The following LIMA1 variants were observed in gnomAD, a reference collection of about 807,000 sequenced individuals.
LIMA1 encodes the protein LIM domain and actin-binding protein 1.
LIMA1 carries 52 observed loss-of-function variants against 62.6 expected under a neutral mutation model. That is an observed-to-expected ratio of 0.83 (90% CI 0.67 to 1.05). LIMA1 has a LOEUF of 1.05. LIMA1 is among the 50% of genes least tolerant of loss of function. LIMA1 has a pLI of 0.00. For missense variants in LIMA1, 780 were observed against 902.2 expected (o/e 0.86, Z 1.74); for synonymous variants, 302 against 317.8 (o/e 0.95, Z 0.53).
At chr12:50,205,939 G>T in intron 5 of LIMA1, 45 bp downstream of exon 5, 1 of 1,418,264 alleles carries the variant, frequency 7.1e-7, no homozygotes, top group South Asian at 1.2e-5. Context: ...TACTACTAGT[G>T]AGTACTTCCT....
chr12:50,280,540 G>A (rs774567097), intron 1 of LIMA1, among the ~76,000 whole-genome samples: 7 of 152,196 alleles, frequency 4.6e-5, no homozygotes, highest in Non-Finnish European at 1.0e-4. Context: ...CTTCTTATGA[G>A]TGGACACAGG....
intron 10 of LIMA1, among the ~76,000 whole-genome samples, chr12:50,181,133 A>AT (rs397733411): frequency 3.3e-5 from 5 of 149,908 alleles, no homozygotes; most frequent in African/African-American, 9.8e-5. Context: ...AAAAAAAAAA[A>AT]GGTGCTTTGG....
At chr12:50,251,448 C>T (rs1941929067) in intron 1 of LIMA1, among the ~76,000 whole-genome samples, 1 of 151,838 alleles carries the variant, frequency 6.6e-6, no homozygotes, top group Admixed American at 6.6e-5. Context: ...TGGTGAAACC[C>T]AGACTCTACT....
chr12:50,261,040 A>ATTTTTTTT (rs1394809506), intron 1 of LIMA1, among the ~76,000 whole-genome samples: 10 of 48,908 alleles, frequency 2.0e-4, no homozygotes, highest in East Asian at 1.5e-3. Context: ...GCCATCTAGT[A>ATTTTTTTT]TATTTTTTTT....
rs1411915498 is a variant in LIMA1, at chr12:50,201,978, A to G, written c.865-1094T>C. 2.0e-5 allele frequency: 3 copies of G among 152,242 alleles called. No individual in the cohort carries two copies. In the East Asian group the frequency reaches 5.8e-4, roughly 29 times the overall value. The allele number at this position is 152,242 out of a possible 1,614,324, so 9.4% of individuals were successfully genotyped here. A position where few individuals can be genotyped will look rare whatever the true frequency, so the allele number is the denominator to read the frequency against. On this transcript the variant is annotated intron_variant, in intron 6 of 10. Coordinates refer to ENST00000341247, the MANE Select transcript of LIMA1 (RefSeq NM_016357.5). ...ATTTCCCACCATTAGTCTGCTAATA[A>G]TGTAGTAATCTAGTACTTTTCTGTT... is the stretch of plus-strand genomic sequence containing the variant.
intron 1 of LIMA1, among the ~76,000 whole-genome samples, chr12:50,252,303 G>A (rs1941940461): frequency 6.6e-6 from 1 of 152,194 alleles, no homozygotes; most frequent in Non-Finnish European, 1.5e-5. Flanking sequence ...GACTTGGCCA[G>A]GTGTGGTGGC....
At chr12:50,204,819 A>C in intron 5 of LIMA1, 119 bp from the exon 6 acceptor site, 41 of 917,950 alleles carry the variant, frequency 4.5e-5, no homozygotes, top group Non-Finnish European at 6.3e-5. Context: ...TCCTGAGCTC[A>C]AGATATCCTC....
chr12:50,258,639 C>CTTTTTTTTTTTTT (rs34324226), intron 1 of LIMA1, among the ~76,000 whole-genome samples: 1 of 67,384 alleles, frequency 1.5e-5, no homozygotes, highest in Non-Finnish European at 2.6e-5. Context: ...TCTACCTATA[C>CTTTTTTTTTTTTT]TTTTTTTTTT....
intron 6 of LIMA1, chr12:50,201,939 C>T (rs1253625496): frequency 6.6e-6 from 1 of 151,944 alleles, no homozygotes; most frequent in Non-Finnish European, 1.5e-5. Context: ...ACATAGAGGT[C>T]GATGACTATA....
intron 8 of LIMA1, 188 bp downstream of exon 8, chr12:50,195,642 A>C: frequency 2.3e-6 from 1 of 434,916 alleles, no homozygotes; most frequent in Non-Finnish European, 4.0e-6. Context: ...AGTTAACTAT[A>C]TTCAATTGAA....
At chr12:50,179,744 G>A (rs1276979085) in intron 10 of LIMA1, among the ~76,000 whole-genome samples, 1 of 141,726 alleles carries the variant, frequency 7.1e-6, no homozygotes, top group Non-Finnish European at 1.5e-5. Context: ...GCCATTTTTT[G>A]TTGTTTTTTT....
At position 50,175,918 on chromosome 12, in the gene LIMA1, T is replaced by A. The variant is rs563226421; in HGVS notation, c.*1146A>T. On this transcript the variant is annotated 3_prime_UTR_variant, in exon 11 of 11. Coordinates refer to ENST00000341247, the MANE Select transcript of LIMA1 (RefSeq NM_016357.5). ...TATAAATGCAGTACAAAGAAAAGCC[T>A]ACAGCTTAAGACACCTCTCCCTCCC... The A allele has an allele frequency of 1.3e-5, 2 of 152,274 alleles. No homozygotes were observed. Among genetic ancestry groups the A allele is most frequent in the South Asian group, 4.1e-4 (2 of 4,832 alleles). The allele number at this position is 152,274 out of a possible 1,614,324, so 9.4% of individuals were successfully genotyped here.
At chr12:50,204,438 T>C (rs1285971335) in intron 6 of LIMA1, 114 bp downstream of exon 6, 1 of 1,201,370 alleles carries the variant, frequency 8.3e-7, no homozygotes, top group African/African-American at 1.5e-5. Flanking sequence ...AGAGAACAGC[T>C]AGGGGACCAG....
chr12:50,229,459 G>A (rs945265037), intron 3 of LIMA1, among the ~76,000 whole-genome samples: 6 of 152,024 alleles, frequency 3.9e-5, no homozygotes, highest in Non-Finnish European at 7.3e-5. Flanking sequence ...ACCAAACACC[G>A]CATGTTCTTA....
intron 6 of LIMA1, among the ~76,000 whole-genome samples, chr12:50,202,669 TA>T (rs1043565218): frequency 2.0e-5 from 3 of 152,210 alleles, no homozygotes; most frequent in Non-Finnish European, 2.9e-5. Flanking sequence ...AAATTACAGT[TA>T]AAAAACCAAG....
At chr12:50,240,343 AT>A (rs1941759620) in intron 2 of LIMA1, among the ~76,000 whole-genome samples, 1 of 152,146 alleles carries the variant, frequency 6.6e-6, no homozygotes, top group Admixed American at 6.6e-5. Context: ...TTTGAATTTA[AT>A]GGTAGGATGG....
At chr12:50,249,829 C>G (rs1439357718) in intron 1 of LIMA1, 1 of 152,096 alleles carries the variant, frequency 6.6e-6, no homozygotes, top group Non-Finnish European at 1.5e-5. Flanking sequence ...TCACAGCTTA[C>G]CAGAAGTAAA....
chr12:50,282,541 T>C (rs76763594), intron 1 of LIMA1, among the ~76,000 whole-genome samples: 1 of 152,196 alleles, frequency 6.6e-6, no homozygotes, highest in East Asian at 1.9e-4. Context: ...TTATTTATTT[T>C]TTTGTAGAGA....
At chr12:50,261,076 G>A (rs1942067247) in intron 1 of LIMA1, among the ~76,000 whole-genome samples, 1 of 57,728 alleles carries the variant, frequency 1.7e-5, no homozygotes, top group Non-Finnish European at 2.9e-5. Context: ...TTTTTGAGAT[G>A]GAGTCTCGCT....
Sources: allele counts gnomAD v4.1 joint callset (sites outside exome capture counted in the v4.1 genomes callset), GRCh38; gene constraint gnomAD v4.1.1; transcripts MANE v1.5; gene names NCBI Gene and HGNC (gene_info 2026-07-23, HGNC 2026-07-21).